The following CALHM4 variants were observed in gnomAD, a reference collection of about 807,000 sequenced individuals.
The protein encoded by CALHM4 is calcium homeostasis modulator family member 4, also known as calcium homeostasis modulator protein 4.
In CALHM4, 16 loss-of-function variants were observed where a neutral mutation model predicts 13.3. The observed-to-expected ratio is 1.20, with a 90% CI of 0.81 to 1.82. CALHM4 has a LOEUF of 1.82. Among genes scored for constraint, CALHM4 ranks in the 40% most tolerant of loss-of-function variants. The probability of loss-of-function intolerance (pLI) is 0.00; values close to 1 mark genes in which losing one functional copy is unlikely to be tolerated. For synonymous variants in CALHM4, 127 were observed against 137.1 expected, an observed-to-expected ratio of 0.93 and a Z score of 0.52; for missense variants, 344 against 374.9, an observed-to-expected ratio of 0.92 and a Z score of 0.68.
intron 1 of CALHM4, among the ~76,000 whole-genome samples, chr6:116,540,798 A>G (rs1773402620): frequency 6.6e-6 from 1 of 152,174 alleles, no homozygotes; most frequent in East Asian, 1.9e-4. Flanking sequence ...TTTTCTCATC[A>G]TTAGCTATTG....
chr6:116,554,175 T>C lies in CALHM4; in HGVS notation c.382T>C (p.Tyr128His), dbSNP rs1262205961. 2 of 1,550,406 alleles carry C rather than the reference T, an allele frequency of 1.3e-6. No individual in the cohort carries two copies. Among genetic ancestry groups the C allele is most frequent in the East Asian group, 2.4e-5 (1 of 40,932 alleles). The change falls in exon 1 of 2, where the codon TAT (tyrosine) becomes CAT (histidine). Residue 128 changes from tyrosine to histidine, a missense_variant. Transcript: ENST00000368596. The stretch of plus-strand genomic sequence containing the variant: ...GGCGGTGACCCTGCTGACAGGCACG[T>C]ATTATGAATGTGCAGCAAGTGAATT... Reference protein sequence around the residue: ...WLAVTLLTGTYYECAASEFAS... With the variant: ...WLAVTLLTGTHYECAASEFAS...
intron 1 of CALHM4, among the ~76,000 whole-genome samples, chr6:116,537,830 A>G (rs918484409): frequency 1.3e-5 from 2 of 152,044 alleles, no homozygotes. Flanking sequence ...TCTTTCAACT[A>G]ATTTTTATTG....
chr6:116,531,850 A>G (rs1304058965), intron 1 of CALHM4, among the ~76,000 whole-genome samples: 1 of 149,884 alleles, frequency 6.7e-6, no homozygotes, highest in Non-Finnish European at 1.5e-5. Context: ...TAAATATACA[A>G]TTTAATATAA....
upstream of CALHM4, among the ~76,000 whole-genome samples, chr6:116,549,641 ATATT>A (rs943190167): frequency 4.6e-5 from 7 of 151,714 alleles, no homozygotes; most frequent in African/African-American, 1.7e-4. Context: ...ATATTTTCTG[ATATT>A]TATTTGATGG....
Position 116,557,830 on chromosome 6 carries a change from G to C in CALHM4, c.564G>C (p.Leu188=), listed in dbSNP as rs1227941535. The C allele has an allele frequency of 1.9e-6, 3 of 1,610,330 alleles. No homozygotes were observed. The highest frequency in any genetic ancestry group is 2.2e-5 in the East Asian group (1 of 44,772). The part of the protein sequence containing the change: ...ALLHRYQSQM[L]GWILITLATI... ...TTTTTAATAATGATGTGAAGATGCTGGGTTGGATTTTGATCACCTTGGCAA... is the reference window on the plus strand; with the variant it reads ...TTTTTAATAATGATGTGAAGATGCTCGGTTGGATTTTGATCACCTTGGCAA... Residue 188 remains leucine (L), a synonymous_variant, in exon 2 of 2, where the codon CTG becomes CTC. Coordinates refer to ENST00000368596, the MANE Select transcript of CALHM4 (RefSeq NM_001366078.2).
upstream of CALHM4, among the ~76,000 whole-genome samples, chr6:116,550,500 G>C (rs1379789499): frequency 6.6e-6 from 1 of 152,030 alleles, no homozygotes; most frequent in Admixed American, 6.6e-5. Flanking sequence ...CTCATCATAG[G>C]GTTATTGTAG....
At chr6:116,529,116 C>T (rs1772542487) in exon 1 of CALHM4, 2 of 152,408 alleles carry the variant, frequency 1.3e-5, no homozygotes, top group African/African-American at 2.4e-5. Context: ...GTGTTCTCCA[C>T]ATTTGTCCTG....
chr6:116,541,795 G>A (rs1250284500), intron 1 of CALHM4, among the ~76,000 whole-genome samples: 1 of 151,780 alleles, frequency 6.6e-6, no homozygotes, highest in African/African-American at 2.4e-5. Flanking sequence ...GTGGTCAGAA[G>A]CCAAAACGTT....
intron 1 of CALHM4, chr6:116,540,549 C>A: frequency 4.5e-6 from 6 of 1,345,044 alleles, no homozygotes; most frequent in Non-Finnish European, 6.2e-6. Flanking sequence ...GTGTGTTTAG[C>A]ACTTGTGCAA....
Position 116,559,825 on chromosome 6 carries a change from T to C in CALHM4, c.*1614T>C, listed in dbSNP as rs117030276. Among the ~76,000 whole-genome samples the C allele has an allele frequency of 0.012, 1,832 of 152,302 alleles. 18 individuals are homozygous for C. Among genetic ancestry groups the C allele is most frequent in the Non-Finnish European group, 0.018 (1,244 of 68,008 alleles). ...TCAATATGCATACATCTTTCTGAAA[T>C]GGTAGTAGACCCACGTTGCTTCTCT... On this transcript the variant is annotated 3_prime_UTR_variant, in exon 2 of 2. Transcript: ENST00000368596.
chr6:116,544,912 A>T (rs962722805), intron 2 of CALHM4, among the ~76,000 whole-genome samples: 2 of 152,110 alleles, frequency 1.3e-5, no homozygotes, highest in Non-Finnish European at 2.9e-5. Flanking sequence ...ACTATAAGAG[A>T]GTATTAAAGA....
At chr6:116,550,996 C>T (rs1583311900), upstream of CALHM4, among the ~76,000 whole-genome samples, 2 of 152,274 alleles carry the variant, frequency 1.3e-5, no homozygotes, top group South Asian at 4.1e-4. Context: ...AGGTCGCGGG[C>T]ACGTAGGGCT....
chr6:116,549,730 CT>C (rs1035894032), upstream of CALHM4, among the ~76,000 whole-genome samples: 7 of 151,422 alleles, frequency 4.6e-5, no homozygotes, highest in African/African-American at 7.3e-5. Flanking sequence ...AATCCCAGCA[CT>C]TTGGGAGGCC....
chr6:116,543,000 G>T (rs1416776207), intron 1 of CALHM4, among the ~76,000 whole-genome samples: 1 of 151,976 alleles, frequency 6.6e-6, no homozygotes, highest in East Asian at 1.9e-4. Context: ...GTTGTTAATA[G>T]AATAATTTCA....
chr6:116,535,184 GA>G (rs367690936), intron 1 of CALHM4, among the ~76,000 whole-genome samples: 2 of 152,346 alleles, frequency 1.3e-5, no homozygotes, highest in Middle Eastern at 3.4e-3. Flanking sequence ...GATAGCTAGT[GA>G]AAATAACACC....
upstream of CALHM4, among the ~76,000 whole-genome samples, chr6:116,550,759 T>G (rs756715559): frequency 9.9e-5 from 15 of 152,190 alleles, no homozygotes; most frequent in Non-Finnish European, 2.1e-4. Flanking sequence ...CTTATACGCC[T>G]GAAGCCACCA....
chr6:116,536,344 A>G (rs893475739), intron 1 of CALHM4, among the ~76,000 whole-genome samples: 4 of 152,182 alleles, frequency 2.6e-5, no homozygotes, highest in East Asian at 1.9e-4. Flanking sequence ...ACTTAAGTCT[A>G]CTACTTGTTA....
At chr6:116,540,374 T>A (rs1773362836) in intron 1 of CALHM4, 2 of 1,550,946 alleles carry the variant, frequency 1.3e-6, no homozygotes, top group South Asian at 2.4e-5. Context: ...TGGGCAATTA[T>A]GTCTATAATT....
At chr6:116,532,921 C>T (rs1226416955) in intron 1 of CALHM4, among the ~76,000 whole-genome samples, 2 of 152,216 alleles carry the variant, frequency 1.3e-5, no homozygotes, top group Non-Finnish European at 2.9e-5. Flanking sequence ...TCTTGCTTCA[C>T]ATAATGCAAA....
Sources: gnomAD v4.1 joint callset for allele counts (sites outside exome capture counted in the v4.1 genomes callset) on GRCh38, gnomAD v4.1.1 for gene constraint, MANE v1.5 for transcripts, NCBI Gene and HGNC (gene_info 2026-07-23, HGNC 2026-07-21) for gene names.